ADARB2: variants seen among roughly 807,000 people sequenced by gnomAD.
ADARB2 encodes adenosine deaminase RNA specific B2 (inactive).
Under a neutral mutation model 62.2 loss-of-function variants are expected in ADARB2, and 25 were observed. The observed-to-expected ratio is 0.40, with a 90% confidence interval of 0.29 to 0.56. The LOEUF is 0.56. ADARB2 is among the 20% of genes least tolerant of loss of function. The probability of loss-of-function intolerance (pLI) is 0.43; values close to 1 mark genes in which losing one functional copy is unlikely to be tolerated. For missense variants in ADARB2, 1,071 were observed against 1,077.4 expected (o/e 0.99, Z 0.08); for synonymous variants, 572 against 500.8 (o/e 1.14, Z -1.90).
At chr10:1,628,915 G>A (rs566164967) in intron 1 of ADARB2, among the ~76,000 whole-genome samples, 1 of 152,362 alleles carries the variant, frequency 6.6e-6, no homozygotes, top group Admixed American at 6.5e-5. Flanking sequence ...GGTGTCCGTT[G>A]GGTTCTGACT....
At chr10:1,526,921 T>TC in intron 1 of ADARB2, 1 of 401,412 alleles carries the variant, frequency 2.5e-6, no homozygotes, top group Non-Finnish European at 5.4e-6. Flanking sequence ...CATAGAAACA[T>TC]CCCCTGCATC....
chr10:1,519,917 G>T (rs1331922949), intron 1 of ADARB2, among the ~76,000 whole-genome samples: 2 of 152,110 alleles, frequency 1.3e-5, no homozygotes, highest in Non-Finnish European at 2.9e-5. Context: ...CATGTAGGCT[G>T]CCTTCTGCCA....
At position 1,566,273 on chromosome 10, in the gene ADARB2, T is replaced by G. The variant is rs138210086; in HGVS notation, c.100+170778A>C. Among the ~76,000 whole-genome samples the G allele has an allele frequency of 6.6e-5, 10 of 152,300 alleles. No individual in the cohort carries two copies. In the East Asian group the frequency reaches 1.7e-3, roughly 26 times the overall value. On this transcript the variant is annotated intron_variant, in intron 1 of 9. Transcript: ENST00000381312. ...AGACCCAGCTTTTGTCCCCGTACCA[T>G]GTAATTTCTGCTAGCACCCCTTGCC...
chr10:1,459,114 AT>A (rs1328052831), intron 1 of ADARB2, among the ~76,000 whole-genome samples: 1 of 152,234 alleles, frequency 6.6e-6, no homozygotes, highest in African/African-American at 2.4e-5. Context: ...TAGCTCAACC[AT>A]TGTGGAAAGC....
chr10:1,415,387 G>T (rs546756879), intron 1 of ADARB2, among the ~76,000 whole-genome samples: 1 of 152,258 alleles, frequency 6.6e-6, no homozygotes, highest in East Asian at 1.9e-4. Flanking sequence ...ATATAAGAAA[G>T]GGTATATGGA....
At position 1,269,612 on chromosome 10, in the gene ADARB2, C is replaced by T. The variant is rs1432116240; in HGVS notation, c.1192+1343G>A. Among the ~76,000 whole-genome samples, 3 of 152,268 alleles carry T rather than the reference C, an allele frequency of 2.0e-5. No individual in the cohort carries two copies. In the East Asian group the frequency reaches 5.8e-4, roughly 29 times the overall value. ...CGAGGCTCAGTGGCTGGTCATGGGT[C>T]GCAGAGCTCTGTGCAGGTGGGGCTG... On this transcript the variant is annotated intron_variant, in intron 4 of 9. Coordinates refer to ENST00000381312, the MANE Select transcript of ADARB2 (RefSeq NM_018702.4).
chr10:1,461,517 T>A (rs61372678), intron 1 of ADARB2, among the ~76,000 whole-genome samples: 62,530 of 151,818 alleles, frequency 0.41, 13,484 homozygotes, highest in African/African-American at 0.53. Flanking sequence ...CATATATATT[T>A]TTTTTTTTAA....
chr10:1,266,228 A>G (rs1337706534), intron 4 of ADARB2, among the ~76,000 whole-genome samples: 1 of 152,190 alleles, frequency 6.6e-6, no homozygotes, highest in Non-Finnish European at 1.5e-5. Context: ...TCCCAGTGGA[A>G]GAGAGAGCAG....
intron 1 of ADARB2, among the ~76,000 whole-genome samples, chr10:1,479,466 A>G (rs1372841986): frequency 1.3e-5 from 2 of 152,136 alleles, no homozygotes; most frequent in Non-Finnish European, 2.9e-5. Flanking sequence ...GTTTTGGTAG[A>G]GCAGCTTGGA....
At chr10:1,691,459 T>C (rs929827905) in intron 1 of ADARB2, among the ~76,000 whole-genome samples, 1 of 152,188 alleles carries the variant, frequency 6.6e-6, no homozygotes, top group South Asian at 2.1e-4. Flanking sequence ...GTCCTTCTTC[T>C]CTGCACTTGG....
chr10:1,559,400 A>G (rs1475137911), intron 1 of ADARB2, among the ~76,000 whole-genome samples: 1 of 152,208 alleles, frequency 6.6e-6, no homozygotes, highest in Non-Finnish European at 1.5e-5. Flanking sequence ...TGCAAGTGAC[A>G]CGGGTCACAT....
At chr10:1,187,879 C>T (rs1398358834) in intron 8 of ADARB2, 1 of 417,416 alleles carries the variant, frequency 2.4e-6, no homozygotes, top group South Asian at 1.7e-5. Flanking sequence ...CATATGTGCA[C>T]AGGGAGGACA....
chr10:1,499,288 T>A (rs1322581848), intron 1 of ADARB2, among the ~76,000 whole-genome samples: 1 of 152,046 alleles, frequency 6.6e-6, no homozygotes, highest in Non-Finnish European at 1.5e-5. Flanking sequence ...CACTTATCAC[T>A]CAACATTCAT....
At chr10:1,195,996 C>A (rs542294479) in intron 8 of ADARB2, among the ~76,000 whole-genome samples, 33 of 152,192 alleles carry the variant, frequency 2.2e-4, no homozygotes, top group African/African-American at 7.7e-4. Context: ...AGAGGAAGCC[C>A]GCTGCAGCCT....
At chr10:1,355,974 T>C (rs1564266987) in intron 3 of ADARB2, among the ~76,000 whole-genome samples, 1 of 152,218 alleles carries the variant, frequency 6.6e-6, no homozygotes, top group Admixed American at 6.5e-5. Flanking sequence ...ATATCATACA[T>C]TGTATTTACA....
chr10:1,665,845 G>A (rs1026963453), intron 1 of ADARB2, among the ~76,000 whole-genome samples: 1 of 152,202 alleles, frequency 6.6e-6, no homozygotes, highest in Non-Finnish European at 1.5e-5. Context: ...GGCTTCTTGG[G>A]TTTGCAGCAT....
chr10:1,316,938 A>G (rs1831745288), intron 3 of ADARB2, among the ~76,000 whole-genome samples: 1 of 152,242 alleles, frequency 6.6e-6, no homozygotes, highest in Non-Finnish European at 1.5e-5. Context: ...GCATGCTTGT[A>G]TGCAAAACGC....
intron 4 of ADARB2, among the ~76,000 whole-genome samples, chr10:1,258,490 G>A (rs1464189411): frequency 6.6e-6 from 1 of 152,034 alleles, no homozygotes; most frequent in Non-Finnish European, 1.5e-5. Flanking sequence ...CAAAGGCAGG[G>A]GTTGCAATCC....
chr10:1,566,980 A>G (rs1470478960), intron 1 of ADARB2, among the ~76,000 whole-genome samples: 1 of 152,246 alleles, frequency 6.6e-6, no homozygotes, highest in African/African-American at 2.4e-5. Context: ...AAGAAAATAA[A>G]AACCCTGGGG....
Sources: allele counts gnomAD v4.1 joint callset (sites outside exome capture counted in the v4.1 genomes callset), GRCh38; gene constraint gnomAD v4.1.1; transcripts MANE v1.5; gene names NCBI Gene and HGNC (gene_info 2026-07-23, HGNC 2026-07-21).